FBXW11: variants seen among roughly 807,000 people sequenced by gnomAD.
FBXW11 encodes F-box and WD repeat domain containing 11, also known as F-box/WD repeat-containing protein 11.
In FBXW11, 19 loss-of-function variants were observed where a neutral mutation model predicts 77.6. The observed-to-expected ratio is 0.24, with a 90% CI of 0.17 to 0.36. The LOEUF (loss-of-function observed/expected upper bound fraction) is 0.36, where lower values mean the gene tolerates loss of function less well. Among genes scored for constraint, FBXW11 ranks in the 10% least tolerant of loss-of-function variants. FBXW11 has a pLI of 1.00. For missense variants in FBXW11, 334 were observed against 704.2 expected, an observed-to-expected ratio of 0.47 and a Z score of 5.95; for synonymous variants, 235 against 249.4, an observed-to-expected ratio of 0.94 and a Z score of 0.54.
intron 13 of FBXW11, 35 bp downstream of exon 13, chr5:171,868,575 T>G (rs1757561807): frequency 1.3e-6 from 2 of 1,528,788 alleles, no homozygotes; most frequent in Admixed American, 2.1e-5. Flanking sequence ...GTGAATTCAA[T>G]CAGCAAAATT....
intron 7 of FBXW11, among the ~76,000 whole-genome samples, chr5:171,889,711 A>G (rs1759184760): frequency 6.7e-6 from 1 of 150,012 alleles, no homozygotes; most frequent in Non-Finnish European, 1.5e-5. Flanking sequence ...ACATGGAGAA[A>G]CCCTGTCTCT....
At chr5:171,945,462 T>C (rs1455389027) in intron 2 of FBXW11, among the ~76,000 whole-genome samples, 2 of 152,206 alleles carry the variant, frequency 1.3e-5, no homozygotes, top group Non-Finnish European at 2.9e-5. Context: ...AAGCTCTCTC[T>C]CCCTCAGTTC....
chr5:171,893,053 T>C (rs1313364724), intron 6 of FBXW11, among the ~76,000 whole-genome samples: 1 of 152,184 alleles, frequency 6.6e-6, no homozygotes, highest in African/African-American at 2.4e-5. Context: ...ACTTTATATG[T>C]TTTGTAGCTA....
Position 171,871,250 on chromosome 5 carries a change from G to A in FBXW11, c.1341-392C>T, listed in dbSNP as rs190679696. Among the ~76,000 whole-genome samples, 3 of 152,282 alleles carry A rather than the reference G, an allele frequency of 2.0e-5. No individual in the cohort carries two copies. The East Asian group carries it at 5.8e-4, about 29-fold the overall frequency. On this transcript the variant is annotated intron_variant, in intron 10 of 13. Transcript: ENST00000517395. Reference sequence around the variant, plus strand: ...CAAATGGTGTAGGAAAGACTCTTCTGGGGAGACAGGGATTGTAGGCAGTAA... The same window carrying A: ...CAAATGGTGTAGGAAAGACTCTTCTAGGGAGACAGGGATTGTAGGCAGTAA...
intron 1 of FBXW11, among the ~76,000 whole-genome samples, chr5:171,971,633 A>G (rs1438792085): frequency 1.3e-4 from 2 of 15,550 alleles, no homozygotes; most frequent in East Asian, 0.11. Context: ...GTGAGGAGGA[A>G]AAAAAAAAAT....
chr5:171,878,758 C>T (rs930332987), intron 7 of FBXW11, among the ~76,000 whole-genome samples: 18 of 152,016 alleles, frequency 1.2e-4, no homozygotes, highest in African/African-American at 3.6e-4. Flanking sequence ...CACTGTACTC[C>T]GGCCTGGGCA....
chr5:171,946,960 G>A (rs1763046245), intron 2 of FBXW11, among the ~76,000 whole-genome samples: 1 of 151,896 alleles, frequency 6.6e-6, no homozygotes, highest in African/African-American at 2.4e-5. Context: ...GATTGCAGGT[G>A]CCTGCCACCA....
chr5:171,866,685 C>T (rs908189839), intron 13 of FBXW11, among the ~76,000 whole-genome samples: 1 of 152,150 alleles, frequency 6.6e-6, no homozygotes, highest in Admixed American at 6.5e-5. Flanking sequence ...TTGAATTTTG[C>T]CATATGCCTC....
chr5:171,984,507 G>A (rs1219585601), intron 1 of FBXW11, among the ~76,000 whole-genome samples: 1 of 152,070 alleles, frequency 6.6e-6, no homozygotes, highest in Admixed American at 6.5e-5. Context: ...TAAATATCCA[G>A]AATAATGGCA....
At chr5:171,872,729 A>C in intron 10 of FBXW11, 143 bp downstream of exon 10, 3 of 655,342 alleles carry the variant, frequency 4.6e-6, no homozygotes, top group Non-Finnish European at 8.2e-6. Flanking sequence ...ACAGAGCCCA[A>C]ATACATTTCT....
At chr5:171,994,847 G>A (rs1765942731) in intron 1 of FBXW11, among the ~76,000 whole-genome samples, 1 of 152,062 alleles carries the variant, frequency 6.6e-6, no homozygotes, top group African/African-American at 2.4e-5. Flanking sequence ...AGACCAGCCT[G>A]GCCAACATGG....
At chr5:171,883,259 T>A (rs544260244) in intron 7 of FBXW11, among the ~76,000 whole-genome samples, 1 of 152,348 alleles carries the variant, frequency 6.6e-6, no homozygotes, top group South Asian at 2.1e-4. Context: ...CATGTGCAAG[T>A]GTCTTTTTTA....
intron 13 of FBXW11, among the ~76,000 whole-genome samples, chr5:171,865,147 T>C (rs1255593015): frequency 6.6e-6 from 1 of 152,112 alleles, no homozygotes; most frequent in African/African-American, 2.4e-5. Flanking sequence ...ACCTGAATTA[T>C]TTCAAAAACA....
intron 6 of FBXW11, among the ~76,000 whole-genome samples, chr5:171,894,625 T>TA (rs1759611552): frequency 6.6e-6 from 1 of 150,866 alleles, no homozygotes; most frequent in Non-Finnish European, 1.5e-5. Flanking sequence ...TACGCCGGCC[T>TA]AAAAAACTGC....
intron 2 of FBXW11, among the ~76,000 whole-genome samples, chr5:171,927,487 A>G (rs77398868): frequency 0.013 from 1,906 of 152,314 alleles, 45 homozygotes; most frequent in African/African-American, 0.042. Context: ...CAGGCACATC[A>G]CAAAAGAAAA....
At chr5:171,956,880 T>C (rs1208058022) in intron 2 of FBXW11, among the ~76,000 whole-genome samples, 1 of 152,256 alleles carries the variant, frequency 6.6e-6, no homozygotes, top group Non-Finnish European at 1.5e-5. Context: ...GTTTTCTTCC[T>C]TGGCTCTCTT....
chr5:171,915,878 GCA>G (rs1470662505), intron 2 of FBXW11, among the ~76,000 whole-genome samples: 1 of 151,986 alleles, frequency 6.6e-6, no homozygotes, highest in African/African-American at 2.4e-5. Flanking sequence ...AGAAAATGTG[GCA>G]CATACACACC....
intron 7 of FBXW11, among the ~76,000 whole-genome samples, chr5:171,887,622 G>C (rs1437035097): frequency 6.6e-6 from 1 of 151,764 alleles, no homozygotes; most frequent in Non-Finnish European, 1.5e-5. Flanking sequence ...TCTGCATGGG[G>C]GTGAATTTGC....
intron 9 of FBXW11, among the ~76,000 whole-genome samples, chr5:171,875,725 T>C (rs1374050674): frequency 6.6e-5 from 10 of 152,174 alleles, no homozygotes; most frequent in African/African-American, 2.4e-4. Flanking sequence ...CTTCAACTCC[T>C]TGTTACAAGT....
Sources: allele counts gnomAD v4.1 joint callset (sites outside exome capture counted in the v4.1 genomes callset), GRCh38; gene constraint gnomAD v4.1.1; transcripts MANE v1.5; gene names NCBI Gene and HGNC (gene_info 2026-07-23, HGNC 2026-07-21).